Variants in MKX observed in about 807,000 individuals in gnomAD.
MKX encodes homeobox protein Mohawk.
A neutral mutation model predicts 36.0 loss-of-function variants in MKX; 13 were observed. The observed-to-expected ratio is 0.36, with a 90% CI of 0.24 to 0.57. The LOEUF (loss-of-function observed/expected upper bound fraction) is 0.57, where lower values mean the gene tolerates loss of function less well. MKX is among the 20% of genes least tolerant of loss of function. The pLI, the probability that MKX is intolerant of heterozygous loss-of-function variation, is 0.79. For missense variants in MKX, 458 were observed against 456.4 expected, an observed-to-expected ratio of 1.00 and a Z score of -0.03; for synonymous variants, 176 against 178.3, an observed-to-expected ratio of 0.99 and a Z score of 0.10.
intron 5 of MKX, among the ~76,000 whole-genome samples, chr10:27,728,241 G>A (rs1205357248): frequency 1.3e-5 from 2 of 152,198 alleles, no homozygotes; most frequent in African/African-American, 2.4e-5. Flanking sequence ...TAGACTTACT[G>A]GTCAACAAAA....
intron 5 of MKX, among the ~76,000 whole-genome samples, chr10:27,722,047 T>C (rs1341191763): frequency 1.3e-5 from 2 of 152,136 alleles, no homozygotes; most frequent in Non-Finnish European, 2.9e-5. Flanking sequence ...TAACATGTAC[T>C]TAAAATAATA....
At chr10:27,675,437 A>G in intron 6 of MKX, 22 bp from the exon 7 acceptor site, 1 of 1,614,158 alleles carries the variant, frequency 6.2e-7, no homozygotes, top group East Asian at 2.2e-5. Context: ...CAAAACAGAA[A>G]GTAAACGATC....
In MKX at chr10:27,742,163, G is replaced by A. The variant is rs763241141; in HGVS notation, c.189-659C>T. 1.3e-5 allele frequency among the ~76,000 whole-genome samples: 2 copies of A among 152,178 alleles called. No homozygotes were observed. The highest frequency in any genetic ancestry group is 2.9e-5 in the Non-Finnish European group (2 of 68,026). ...CCGACTAAGGGAGGGTTAAAAGTAC[G>A]GCAAGCTCTGTCCCATCATGTAAGG... On this transcript the variant is annotated intron_variant, in intron 2 of 6. Coordinates refer to ENST00000419761, the MANE Select transcript of MKX (RefSeq NM_173576.3). This position sits in a 1 kb window ranked among gnomAD's most constrained non-coding sequence, Gnocchi z 4.2.
chr10:27,697,899 G>A (rs1836583853), intron 5 of MKX, among the ~76,000 whole-genome samples: 1 of 152,182 alleles, frequency 6.6e-6, no homozygotes, highest in South Asian at 2.1e-4. Flanking sequence ...CAGTGGGGCA[G>A]CAGGGAAGAG....
chr10:27,688,116 G>A (rs1047799306), intron 5 of MKX, among the ~76,000 whole-genome samples: 4 of 151,526 alleles, frequency 2.6e-5, no homozygotes, highest in African/African-American at 7.3e-5. Context: ...TGGACCACAC[G>A]AGTTCATATT....
chr10:27,711,366 A>G (rs1836847631), intron 5 of MKX, among the ~76,000 whole-genome samples: 1 of 152,064 alleles, frequency 6.6e-6, no homozygotes, highest in Non-Finnish European at 1.5e-5. Flanking sequence ...TTCTTATTTC[A>G]TAATTGTCAC....
chr10:27,687,565 C>G (rs1487899392), intron 5 of MKX, among the ~76,000 whole-genome samples: 1 of 152,180 alleles, frequency 6.6e-6, no homozygotes, highest in East Asian at 1.9e-4. Context: ...CACAGCTCTT[C>G]TGGCCTCGTC....
intron 5 of MKX, among the ~76,000 whole-genome samples, chr10:27,718,022 G>A (rs985346911): frequency 6.6e-6 from 1 of 152,184 alleles, no homozygotes; most frequent in Non-Finnish European, 1.5e-5. Context: ...CCTGGTGACA[G>A]ATGAACAATC....
At chr10:27,716,646 T>A (rs1201963165) in intron 5 of MKX, among the ~76,000 whole-genome samples, 1 of 152,184 alleles carries the variant, frequency 6.6e-6, no homozygotes, top group African/African-American at 2.4e-5. Flanking sequence ...ACTCCATTTA[T>A]AGATTAGCCA....
In MKX at chr10:27,673,645, A is replaced by G. The variant is rs1836089235; in HGVS notation, c.*1584T>C. The stretch of plus-strand genomic sequence containing the variant: ...AATTTAGAAAACAAAGTAAAAATAT[A>G]TATATATACACAAAATATTTTTATA... On this transcript the variant is annotated 3_prime_UTR_variant, in exon 7 of 7. Transcript: ENST00000419761. 1.3e-5 allele frequency: 2 copies of G among 152,512 alleles called. No homozygotes were observed. The highest frequency in any genetic ancestry group is 1.3e-4 in the Admixed American group (2 of 15,270). The allele number at this position is 152,512 out of a possible 1,614,324, so 9.4% of individuals were successfully genotyped here.
chr10:27,686,391 G>A (rs28402297), intron 5 of MKX, among the ~76,000 whole-genome samples: 199 of 84,998 alleles, frequency 2.3e-3, no homozygotes, highest in African/African-American at 0.013. Context: ...GGGAAGGGAA[G>A]GGAAAGGAAG....
At chr10:27,738,491 A>G (rs1175583986) in intron 3 of MKX, among the ~76,000 whole-genome samples, 1 of 152,068 alleles carries the variant, frequency 6.6e-6, no homozygotes, top group African/African-American at 2.4e-5. Flanking sequence ...AGGTTCTGGA[A>G]CAGAATTTTA....
intron 5 of MKX, among the ~76,000 whole-genome samples, chr10:27,721,457 G>A (rs1446405875): frequency 6.6e-6 from 1 of 152,170 alleles, no homozygotes; most frequent in Non-Finnish European, 1.5e-5. Context: ...AAAAAGAAAT[G>A]CGATAATGTC....
At chr10:27,706,890 T>C (rs1178408680) in intron 5 of MKX, among the ~76,000 whole-genome samples, 1 of 152,252 alleles carries the variant, frequency 6.6e-6, no homozygotes, top group African/African-American at 2.4e-5. Context: ...TAAAGATGTA[T>C]TTAGATGAGA....
intron 5 of MKX, among the ~76,000 whole-genome samples, chr10:27,678,217 G>C (rs560895410): frequency 6.6e-6 from 1 of 152,092 alleles, no homozygotes; most frequent in Non-Finnish European, 1.5e-5. Context: ...CAGAGACAAG[G>C]CGCTACCAGA....
At chr10:27,698,681 C>T (rs895299986) in intron 5 of MKX, among the ~76,000 whole-genome samples, 2 of 152,174 alleles carry the variant, frequency 1.3e-5, no homozygotes, top group African/African-American at 4.8e-5. Flanking sequence ...GTGGTGTTTT[C>T]AGGACCTTCC....
chr10:27,705,827 T>C (rs1455677580), intron 5 of MKX, among the ~76,000 whole-genome samples: 1 of 152,214 alleles, frequency 6.6e-6, no homozygotes, highest in East Asian at 1.9e-4. Flanking sequence ...GCCTGTATGA[T>C]CTGAAATCGT....
chr10:27,714,966 C>A (rs1035680941), intron 5 of MKX, among the ~76,000 whole-genome samples: 1 of 152,236 alleles, frequency 6.6e-6, no homozygotes, highest in African/African-American at 2.4e-5. Flanking sequence ...ACCCTAGACC[C>A]CAGGCAGGGT....
intron 5 of MKX, among the ~76,000 whole-genome samples, chr10:27,691,041 A>G (rs1015449375): frequency 2.6e-5 from 4 of 152,094 alleles, no homozygotes; most frequent in Non-Finnish European, 4.4e-5. Context: ...TCCTTCCGCC[A>G]TGATTGTACA....
Sources: gnomAD v4.1 joint callset for allele counts (sites outside exome capture counted in the v4.1 genomes callset) on GRCh38, gnomAD v4.1.1 for gene constraint, Gnocchi (gnomAD v3.1) non-coding constraint, MANE v1.5 for transcripts, NCBI Gene and HGNC (gene_info 2026-07-23, HGNC 2026-07-21) for gene names.